Variants in CNTLN observed in about 807,000 individuals in gnomAD.
CNTLN encodes centlein, centrosomal protein.
Under a neutral mutation model 180.0 loss-of-function variants are expected in CNTLN, and 212 were observed. That is an observed-to-expected ratio of 1.18 (90% CI 1.05 to 1.32). The LOEUF is 1.32. Among genes scored for constraint, CNTLN ranks in the 40% most tolerant of loss-of-function variants. The pLI, the probability that CNTLN is intolerant of heterozygous loss-of-function variation, is 0.00. For missense variants in CNTLN, 2,095 were observed against 1,610.9 expected (o/e 1.30, Z -5.14); for synonymous variants, 722 against 563.1 (o/e 1.28, Z -3.99).
Position 17,273,798 on chromosome 9 carries a change from T to C in CNTLN, c.915T>C (p.Ala305=), listed in dbSNP as rs763256694. The stretch of plus-strand genomic sequence containing the variant: ...AAGTATCACAGAGTAAATACAATGC[T>C]CTATCATTACAGTTGAGTAATAAAC... ...EVEVSQSKYN[A]LSLQLSNKQT... The change falls in exon 6 of 26, where the codon GCT becomes GCC. Residue 305 remains alanine, a synonymous_variant. Coordinates refer to ENST00000380647, the MANE Select transcript of CNTLN (RefSeq NM_017738.4). 8.9e-6 allele frequency: 14 copies of C among 1,575,138 alleles called. No individual in the cohort carries two copies. The Admixed American group carries it at 2.7e-4, about 31-fold the overall frequency.
intron 13 of CNTLN, among the ~76,000 whole-genome samples, chr9:17,380,680 G>A (rs1285761292): frequency 2.6e-5 from 4 of 152,176 alleles, no homozygotes; most frequent in South Asian, 2.1e-4. Flanking sequence ...AGTCACAAGT[G>A]CATGAATATG....
intron 6 of CNTLN, among the ~76,000 whole-genome samples, chr9:17,295,997 A>AGAGT (rs1342910465): frequency 2.7e-4 from 25 of 91,282 alleles, no homozygotes; most frequent in South Asian, 6.1e-4. Context: ...AGAGAGAGAG[A>AGAGT]GTGTGTGTGT....
chr9:17,504,058 T>A (rs936284727), downstream of CNTLN: 1 of 151,640 alleles, frequency 6.6e-6, no homozygotes, highest in Admixed American at 6.6e-5. Context: ...CAGTTACAAC[T>A]TGACAGAATT....
At chr9:17,185,797 G>GTGTGTATC (rs1270994214) in intron 2 of CNTLN, among the ~76,000 whole-genome samples, 3 of 151,960 alleles carry the variant, frequency 2.0e-5, no homozygotes, top group East Asian at 1.9e-4. Flanking sequence ...GTGTGTGTGT[G>GTGTGTATC]TGTGTATCTG....
intron 2 of CNTLN, among the ~76,000 whole-genome samples, chr9:17,197,556 G>T (rs1822214568): frequency 6.6e-6 from 1 of 152,024 alleles, no homozygotes; most frequent in Non-Finnish European, 1.5e-5. Context: ...TATATATTCA[G>T]ATCTTTTGTT....
At chr9:17,140,997 A>G (rs2131417996) in intron 1 of CNTLN, among the ~76,000 whole-genome samples, 1 of 152,122 alleles carries the variant, frequency 6.6e-6, no homozygotes, top group South Asian at 2.1e-4. Context: ...TTGCTTTTTC[A>G]AAAAAATCAT....
intron 12 of CNTLN, among the ~76,000 whole-genome samples, chr9:17,348,511 GCTTTCTTTCTTT>G (rs763590963): frequency 4.6e-5 from 7 of 150,874 alleles, no homozygotes; most frequent in Admixed American, 2.0e-4. Context: ...TTCTCACTCT[GCTTTCTTTCTTT>G]CTTTCTTTCT....
chr9:17,284,607 C>T (rs1300114058), intron 6 of CNTLN, among the ~76,000 whole-genome samples: 2 of 151,808 alleles, frequency 1.3e-5, no homozygotes, highest in Non-Finnish European at 2.9e-5. Flanking sequence ...GTGGTGACAT[C>T]CCCTTTATCT....
At chr9:17,353,958 G>A (rs996619077) in intron 12 of CNTLN, among the ~76,000 whole-genome samples, 10 of 152,288 alleles carry the variant, frequency 6.6e-5, no homozygotes, top group Non-Finnish European at 1.2e-4. Context: ...GCGGGAACCC[G>A]GGCTGTGTGC....
At chr9:17,299,739 C>T (rs941728021) in intron 7 of CNTLN, 8 of 982,802 alleles carry the variant, frequency 8.1e-6, no homozygotes, top group Non-Finnish European at 9.7e-6. Flanking sequence ...AAACACTGTA[C>T]TTTATTAATA....
At chr9:17,247,746 G>A (rs1376079042) in intron 5 of CNTLN, among the ~76,000 whole-genome samples, 1 of 149,048 alleles carries the variant, frequency 6.7e-6, no homozygotes, top group Non-Finnish European at 1.5e-5. Flanking sequence ...TTTTCATTAT[G>A]AAGGGAATAT....
intron 13 of CNTLN, among the ~76,000 whole-genome samples, chr9:17,384,541 T>G (rs568874384): frequency 6.6e-6 from 1 of 152,214 alleles, no homozygotes; most frequent in East Asian, 1.9e-4. Context: ...TGAAATTCTC[T>G]CCTACTCATC....
intron 18 of CNTLN, among the ~76,000 whole-genome samples, chr9:17,446,789 A>C (rs1424091497): frequency 6.6e-6 from 1 of 152,206 alleles, no homozygotes; most frequent in Non-Finnish European, 1.5e-5. Flanking sequence ...GCAATAAAAT[A>C]CCATAAAATA....
At chr9:17,220,694 A>G (rs1447671353) in intron 2 of CNTLN, among the ~76,000 whole-genome samples, 9 of 152,178 alleles carry the variant, frequency 5.9e-5, no homozygotes, top group South Asian at 2.1e-4. Flanking sequence ...TGCACATGCA[A>G]TATTTGATTT....
intron 25 of CNTLN, among the ~76,000 whole-genome samples, chr9:17,492,031 T>A (rs1308513643): frequency 6.6e-6 from 1 of 152,096 alleles, no homozygotes; most frequent in Non-Finnish European, 1.5e-5. Context: ...TCACTCACTC[T>A]GTCTCATCCA....
intron 12 of CNTLN, among the ~76,000 whole-genome samples, chr9:17,344,709 C>A (rs10963049): frequency 0.29 from 43,602 of 151,982 alleles, 6,633 homozygotes; most frequent in South Asian, 0.51. Flanking sequence ...AATATCAGTG[C>A]TATAGTCATT....
intron 18 of CNTLN, among the ~76,000 whole-genome samples, chr9:17,423,869 A>T (rs1828901990): frequency 6.6e-6 from 1 of 152,052 alleles, no homozygotes; most frequent in Non-Finnish European, 1.5e-5. Context: ...TCAGTGTAGC[A>T]CTGCTGGGGA....
chr9:17,484,571 C>T, intron 24 of CNTLN, 91 bp downstream of exon 24: 1 of 1,045,076 alleles, frequency 9.6e-7, no homozygotes, highest in Non-Finnish European at 1.4e-6. Flanking sequence ...CTTAGAATTT[C>T]ATCTTTAAGA....
intron 6 of CNTLN, among the ~76,000 whole-genome samples, chr9:17,283,012 C>CCG: frequency 6.6e-6 from 1 of 152,076 alleles, no homozygotes; most frequent in East Asian, 1.9e-4. Flanking sequence ...CGTTTGAAGT[C>CCG]CGGTAGTGTA....
Sources: allele counts gnomAD v4.1 joint callset (sites outside exome capture counted in the v4.1 genomes callset), GRCh38; gene constraint gnomAD v4.1.1; transcripts MANE v1.5; gene names NCBI Gene and HGNC (gene_info 2026-07-23, HGNC 2026-07-21).